Variants in CSGALNACT1 observed in about 807,000 individuals in gnomAD.
The protein encoded by CSGALNACT1 is beta4GalNAcT-1.
CSGALNACT1 carries 52 observed loss-of-function variants against 51.0 expected under a neutral mutation model. The ratio of observed to expected loss-of-function variants is 1.02; its 90% confidence interval spans 0.82 to 1.29. CSGALNACT1 has a LOEUF of 1.29. Among genes scored for constraint, CSGALNACT1 ranks in the 50% most tolerant of loss-of-function variants. The probability of loss-of-function intolerance (pLI) is 0.00; values close to 1 mark genes in which losing one functional copy is unlikely to be tolerated. For missense variants in CSGALNACT1, 935 were observed against 679.2 expected, an observed-to-expected ratio of 1.38 and a Z score of -4.19; for synonymous variants, 341 against 254.4, an observed-to-expected ratio of 1.34 and a Z score of -3.24.
chr8:19,570,467 C>A (rs2042779817), intron 3 of CSGALNACT1, among the ~76,000 whole-genome samples: 1 of 152,108 alleles, frequency 6.6e-6, no homozygotes, highest in Admixed American at 6.5e-5. Flanking sequence ...CTAAAAGGAG[C>A]CATAACCTAA....
chr8:19,505,400 T>C (rs372502951), exon 4 of CSGALNACT1: 57 of 1,614,140 alleles, frequency 3.5e-5, no homozygotes, highest in Non-Finnish European at 4.7e-5. Context: ...CGAAAGGCAC[T>C]GCTGCATACT....
chr8:19,526,606 T>A (rs759988409), intron 3 of CSGALNACT1, among the ~76,000 whole-genome samples: 1 of 151,894 alleles, frequency 6.6e-6, no homozygotes, highest in African/African-American at 2.4e-5. Flanking sequence ...AATTTATATA[T>A]AAAAATTGTA....
intron 4 of CSGALNACT1, among the ~76,000 whole-genome samples, chr8:19,472,833 T>C (rs2068518637): frequency 6.6e-6 from 1 of 152,246 alleles, no homozygotes; most frequent in African/African-American, 2.4e-5. Context: ...CATTCATTGA[T>C]ATCAATTTCT....
chr8:19,415,970 T>C (rs1013875149), intron 8 of CSGALNACT1, among the ~76,000 whole-genome samples: 2 of 152,170 alleles, frequency 1.3e-5, no homozygotes, highest in Non-Finnish European at 2.9e-5. Flanking sequence ...AGGAAAAATC[T>C]GATGTAAAAG....
At chr8:19,604,821 G>A (rs780180550), upstream of CSGALNACT1, among the ~76,000 whole-genome samples, 13 of 151,196 alleles carry the variant, frequency 8.6e-5, no homozygotes, top group Admixed American at 2.0e-4. Flanking sequence ...AGGTTGAGGC[G>A]GGAGAATGGC....
At chr8:19,667,458 A>G (rs1433067444) in intron 1 of CSGALNACT1, among the ~76,000 whole-genome samples, 1 of 152,092 alleles carries the variant, frequency 6.6e-6, no homozygotes, top group African/African-American at 2.4e-5. Flanking sequence ...TCAAGACATT[A>G]TTTCTATTCT....
At chr8:19,427,252 G>A (rs2058910901) in intron 6 of CSGALNACT1, among the ~76,000 whole-genome samples, 1 of 152,204 alleles carries the variant, frequency 6.6e-6, no homozygotes. Flanking sequence ...GAACATCTCT[G>A]AATCTCAGAA....
intron 1 of CSGALNACT1, among the ~76,000 whole-genome samples, chr8:19,681,116 G>A (rs2060586307): frequency 6.6e-6 from 1 of 152,004 alleles, no homozygotes; most frequent in Admixed American, 6.6e-5. Flanking sequence ...AGATATGAAG[G>A]GACGACCTTA....
intron 1 of CSGALNACT1, chr8:19,732,586 C>A (rs1194355349): frequency 1.3e-5 from 2 of 152,130 alleles, no homozygotes; most frequent in African/African-American, 4.8e-5. Flanking sequence ...GGTAGTGGCT[C>A]GATGAGTATG....
At chr8:19,568,420 A>T (rs569533817) in intron 3 of CSGALNACT1, among the ~76,000 whole-genome samples, 1 of 152,270 alleles carries the variant, frequency 6.6e-6, no homozygotes, top group Admixed American at 6.5e-5. Context: ...TTCATCATTG[A>T]CCCAGACATC....
At chr8:19,595,959 G>A (rs1308707683) in intron 2 of CSGALNACT1, among the ~76,000 whole-genome samples, 3 of 150,292 alleles carry the variant, frequency 2.0e-5, no homozygotes, top group Non-Finnish European at 2.9e-5. Context: ...AACCTTTCTG[G>A]CTCAAGGGAT....
chr8:19,501,246 C>CAAAAAAAA (rs35069773), intron 4 of CSGALNACT1, among the ~76,000 whole-genome samples: 1 of 83,608 alleles, frequency 1.2e-5, no homozygotes, highest in African/African-American at 4.7e-5. Flanking sequence ...GACTCCGTCT[C>CAAAAAAAA]AAAAAAAAAA....
At position 19,757,569 on chromosome 8, in the gene CSGALNACT1, G is replaced by A. The variant is rs1012411914; in HGVS notation, c.-297+281C>T. 3.9e-5 allele frequency among the ~76,000 whole-genome samples: 6 copies of A among 152,164 alleles called. No homozygotes were observed. Among genetic ancestry groups the A allele is most frequent in the Admixed American group, 1.3e-4 (2 of 15,282 alleles). ...CGGACACCAGGGGCGGTTTACGCGT[G>A]ACTGGACACCAAGAGCCGGAGAAGT... On this transcript the variant is annotated intron_variant, in intron 1 of 1. Transcript: ENST00000517494. The surrounding 1 kb of genome is among the most constrained non-coding windows in gnomAD (Gnocchi z 4.0).
chr8:19,610,677 G>A (rs567752355), intron 1 of CSGALNACT1, among the ~76,000 whole-genome samples: 22 of 152,312 alleles, frequency 1.4e-4, no homozygotes, highest in Admixed American at 7.2e-4. Context: ...CCCAGCTCCC[G>A]AGGAAAGCCC....
At chr8:19,459,651 C>G (rs932968750) in intron 4 of CSGALNACT1, among the ~76,000 whole-genome samples, 1 of 152,174 alleles carries the variant, frequency 6.6e-6, no homozygotes, top group Admixed American at 6.5e-5. Flanking sequence ...GCCAAACTGC[C>G]TGGGTTCAAA....
At chr8:19,595,485 C>T (rs1421278894) in intron 2 of CSGALNACT1, among the ~76,000 whole-genome samples, 5 of 152,022 alleles carry the variant, frequency 3.3e-5, no homozygotes, top group Non-Finnish European at 7.4e-5. Context: ...TTCAAATTAC[C>T]ATTTATTTTA....
chr8:19,533,197 G>A (rs2083116369), intron 3 of CSGALNACT1, among the ~76,000 whole-genome samples: 1 of 152,030 alleles, frequency 6.6e-6, no homozygotes, highest in Non-Finnish European at 1.5e-5. Context: ...GCTCACCACA[G>A]CCTCAAACTT....
intron 1 of CSGALNACT1, among the ~76,000 whole-genome samples, chr8:19,671,560 G>T (rs2059796450): frequency 6.6e-6 from 1 of 152,110 alleles, no homozygotes; most frequent in Non-Finnish European, 1.5e-5. Context: ...GTTGTTCTAG[G>T]CTTCTGGGAC....
At chr8:19,581,691 A>G (rs1450913238) in intron 3 of CSGALNACT1, among the ~76,000 whole-genome samples, 1 of 152,228 alleles carries the variant, frequency 6.6e-6, no homozygotes, top group Non-Finnish European at 1.5e-5. Context: ...TAACTCCTAG[A>G]ATGAACATGT....
Sources: allele counts gnomAD v4.1 joint callset (sites outside exome capture counted in the v4.1 genomes callset), GRCh38; gene constraint gnomAD v4.1.1; non-coding constraint Gnocchi (gnomAD v3.1); transcripts MANE v1.5; gene names NCBI Gene and HGNC (gene_info 2026-07-23, HGNC 2026-07-21).